The following SYBU variants were observed in gnomAD, a reference collection of about 807,000 sequenced individuals.
SYBU encodes the protein syntabulin.
In SYBU, 21 loss-of-function variants were observed where a neutral mutation model predicts 35.9. The observed-to-expected ratio is 0.58, with a 90% CI of 0.41 to 0.84. The LOEUF (loss-of-function observed/expected upper bound fraction) is 0.84, where lower values mean the gene tolerates loss of function less well. Among genes scored for constraint, SYBU ranks in the 40% least tolerant of loss-of-function variants. SYBU has a pLI of 0.00. For synonymous variants in SYBU, 319 were observed against 324.3 expected (o/e 0.98, Z 0.18); for missense variants, 768 against 848.2 (o/e 0.91, Z 1.17).
intron 3 of SYBU, among the ~76,000 whole-genome samples, chr8:109,596,985 A>G (rs1043077321): frequency 5.9e-5 from 9 of 152,238 alleles, no homozygotes; most frequent in Admixed American, 5.2e-4. Context: ...ATGAAGAGTA[A>G]AAGTAAAACT....
At chr8:109,636,668 C>T (rs2130581084) in intron 2 of SYBU, among the ~76,000 whole-genome samples, 1 of 152,186 alleles carries the variant, frequency 6.6e-6, no homozygotes, top group East Asian at 1.9e-4. Flanking sequence ...TCAGTATATC[C>T]CCTTTTGGCG....
chr8:109,579,721 C>CTT, intron 5 of SYBU, 78 bp downstream of exon 5: 10 of 1,253,252 alleles, frequency 8.0e-6, no homozygotes, highest in Non-Finnish European at 1.1e-5. Context: ...AGTTGTATAA[C>CTT]TTTTTTTTTT....
At chr8:109,644,863 G>A, upstream of SYBU, 2 of 547,372 alleles carry the variant, frequency 3.7e-6, no homozygotes, top group Non-Finnish European at 6.2e-6. Context: ...GGCCGGACAC[G>A]TGGTGCCGCA....
chr8:109,586,820 T>A (rs1350104901), intron 3 of SYBU, among the ~76,000 whole-genome samples: 1 of 152,142 alleles, frequency 6.6e-6, no homozygotes, highest in African/African-American at 2.4e-5. Context: ...AGCTTCAGGG[T>A]GGGATTACAG....
chr8:109,605,188 G>T (rs905073676), intron 3 of SYBU, among the ~76,000 whole-genome samples: 1 of 152,218 alleles, frequency 6.6e-6, no homozygotes, highest in Non-Finnish European at 1.5e-5. Flanking sequence ...GCATGTGCAT[G>T]TGTGACTAAT....
Position 109,622,214 on chromosome 8 carries a change from TATCTATCTATC to T in SYBU, c.230-3186_230-3176del, listed in dbSNP as rs1481273237. Among the ~76,000 whole-genome samples the T allele has an allele frequency of 3.0e-3, 434 of 144,560 alleles. 5 individuals are homozygous for T. The highest frequency in any genetic ancestry group is 0.011 in the African/African-American group (412 of 35,958). The allele number at this position is 144,560 out of a possible 152,430, so 94.8% of individuals were successfully genotyped here. On this transcript the variant is annotated intron_variant, in intron 2 of 6. Coordinates refer to ENST00000276646, the MANE Select transcript of SYBU (RefSeq NM_001099754.2). Reference sequence around the variant, plus strand: ...CTATCTATCTATCTATCTATCTATCTATCTATCTATCATCTATCTATCTATCTATCTTTTTA... The same window carrying T: ...CTATCTATCTATCTATCTATCTATCTATCTATCTATCTATCTATCTTTTTA...
At chr8:109,593,346 G>A (rs190931811) in intron 3 of SYBU, among the ~76,000 whole-genome samples, 46 of 152,270 alleles carry the variant, frequency 3.0e-4, no homozygotes, top group African/African-American at 9.4e-4. Flanking sequence ...AGAAATTCAC[G>A]GGCAAAGTGC....
At chr8:109,624,060 G>C (rs1812720744) in intron 2 of SYBU, among the ~76,000 whole-genome samples, 1 of 152,022 alleles carries the variant, frequency 6.6e-6, no homozygotes, top group Admixed American at 6.6e-5. Context: ...AGCTATTAAA[G>C]ACTAATGGGA....
intron 2 of SYBU, among the ~76,000 whole-genome samples, chr8:109,624,350 T>C: frequency 6.6e-6 from 1 of 152,244 alleles, no homozygotes; most frequent in East Asian, 1.9e-4. Flanking sequence ...AAAGTGTTCC[T>C]ATATAAACTG....
At chr8:109,608,104 C>T in intron 3 of SYBU, 1 of 603,918 alleles carries the variant, frequency 1.7e-6, no homozygotes, top group Non-Finnish European at 2.7e-6. Context: ...ACTCTGCTGG[C>T]ACCATAGCAA....
intron 1 of SYBU, among the ~76,000 whole-genome samples, chr8:109,677,882 C>A (rs1817247374): frequency 6.6e-6 from 1 of 151,940 alleles, no homozygotes. Flanking sequence ...CACCTGTAAT[C>A]CCAGCACTTT....
intron 4 of SYBU, among the ~76,000 whole-genome samples, chr8:109,585,382 A>G (rs985029491): frequency 3.9e-5 from 6 of 152,236 alleles, no homozygotes; most frequent in Non-Finnish European, 8.8e-5. Flanking sequence ...TCCTAACAAT[A>G]AACCCTCTGA....
chr8:109,582,733 C>T (rs1459592101), intron 4 of SYBU, among the ~76,000 whole-genome samples: 2 of 152,084 alleles, frequency 1.3e-5, no homozygotes, highest in Non-Finnish European at 2.9e-5. Flanking sequence ...TATGTTGAAG[C>T]CCTAACTCCC....
rs1287678176 is a variant in SYBU at position 109,574,698 on chromosome 8, G to A, written c.*208C>T. On this transcript the variant is annotated 3_prime_UTR_variant, in exon 7 of 7. Coordinates refer to ENST00000276646, the MANE Select transcript of SYBU (RefSeq NM_001099754.2). ...TGAGCATGCTTTCTATACCCCACTG[G>A]TGGGACATTTACTGGAACCAGGTCT... 2.1e-6 allele frequency: 1 copy of A among 469,920 alleles called. No individual in the cohort carries two copies. 29.1% of individuals were successfully genotyped at this position (469,920 alleles called of 1,614,324 possible). A position where few individuals can be genotyped will look rare whatever the true frequency, so the allele number is the denominator to read the frequency against.
At chr8:109,681,801 A>G (rs981128433), upstream of SYBU, among the ~76,000 whole-genome samples, 2 of 152,160 alleles carry the variant, frequency 1.3e-5, no homozygotes, top group African/African-American at 2.4e-5. Flanking sequence ...CTTGAATTGT[A>G]GTTCCCATAA....
chr8:109,634,193 A>G (rs1415148453), intron 2 of SYBU, among the ~76,000 whole-genome samples: 1 of 151,930 alleles, frequency 6.6e-6, no homozygotes, highest in African/African-American at 2.4e-5. Context: ...TCTTTTTGCC[A>G]TTTTATGCTT....
rs1817636167 is a variant in SYBU, at chr8:109,691,164, G to A, written c.-58+169C>T. 6.6e-6 allele frequency among the ~76,000 whole-genome samples: 1 copy of A among 152,236 alleles called. No individual in the cohort carries two copies. The highest frequency in any genetic ancestry group is 6.5e-5 in the Admixed American group (1 of 15,294). On this transcript the variant is annotated intron_variant, in intron 1 of 7. Coordinates refer to the SYBU transcript ENST00000422135. The surrounding 1 kb of genome is among the most constrained non-coding windows in gnomAD (Gnocchi z 4.7). ...GTGCCCTTGATTCCCCATTTTCCAC[G>A]ACCTTCTTCTGTGCATCGCCGAGCA...
intron 4 of SYBU, among the ~76,000 whole-genome samples, chr8:109,583,653 A>G (rs1252989763): frequency 6.6e-6 from 1 of 152,176 alleles, no homozygotes; most frequent in East Asian, 1.9e-4. Flanking sequence ...AAAGGATCAC[A>G]AACTACTACA....
In SYBU at chr8:109,578,015, C is replaced by G. The variant is rs575944059; in HGVS notation, c.737G>C (p.Arg246Pro). 5 of 1,602,686 alleles carry G rather than the reference C, an allele frequency of 3.1e-6. No homozygotes were observed. Among genetic ancestry groups the G allele is most frequent in the Non-Finnish European group, 4.3e-6 (5 of 1,175,946 alleles). The change falls in exon 6 of 7, where the codon CGT (arginine) becomes CCT (proline). Residue 246 changes from arginine to proline, a missense_variant and splice_region_variant. By Grantham distance (103) the Arg-to-Pro change is moderately radical (BLOSUM62 -2). Coordinates refer to ENST00000276646, the MANE Select transcript of SYBU (RefSeq NM_001099754.2). Reference sequence around the variant, plus strand: ...ACCGCAAGACATGTACCTTCCAGAACGCCTGAAACAATCCAAGTAATGAAA... The same window carrying G: ...ACCGCAAGACATGTACCTTCCAGAAGGCCTGAAACAATCCAAGTAATGAAA... Reference protein sequence around the residue: ...KGSDCSPIMRRSGRYMSCGEN... With the variant: ...KGSDCSPIMRPSGRYMSCGEN...
Sources: gnomAD v4.1 joint callset for allele counts (sites outside exome capture counted in the v4.1 genomes callset) on GRCh38, gnomAD v4.1.1 for gene constraint, Gnocchi (gnomAD v3.1) non-coding constraint, MANE v1.5 for transcripts, NCBI Gene and HGNC (gene_info 2026-07-23, HGNC 2026-07-21) for gene names.